The following SBF2 variants were observed in gnomAD, a reference collection of about 807,000 sequenced individuals.
The protein encoded by SBF2 is SET binding factor 2, also known as myotubularin-related protein 13.
Under a neutral mutation model 225.2 loss-of-function variants are expected in SBF2, and 112 were observed. The ratio of observed to expected loss-of-function variants is 0.50; its 90% CI spans 0.43 to 0.58. SBF2 has a LOEUF of 0.58. SBF2 is among the 20% of genes least tolerant of loss of function. The pLI is 0.00. For missense variants in SBF2, 1,996 were observed against 2,206.2 expected, an observed-to-expected ratio of 0.90 and a Z score of 1.91; for synonymous variants, 763 against 773.3, an observed-to-expected ratio of 0.99 and a Z score of 0.22.
chr11:10,128,126 T>C (rs1192326189), intron 2 of SBF2, among the ~76,000 whole-genome samples: 2 of 152,210 alleles, frequency 1.3e-5, no homozygotes, highest in Non-Finnish European at 2.9e-5. Flanking sequence ...GAATTATAAA[T>C]GAAACTCGAT....
chr11:10,284,949 T>C (rs1361287876), intron 1 of SBF2, among the ~76,000 whole-genome samples: 1 of 151,062 alleles, frequency 6.6e-6, no homozygotes, highest in Non-Finnish European at 1.5e-5. Flanking sequence ...AATTATAAAA[T>C]ATAAATATTT....
chr11:10,293,930 T>TCGACGCCCGGCCCCGACGCCCGG, intron 1 of SBF2, 85 bp downstream of exon 1: 1 of 1,037,332 alleles, frequency 9.6e-7, no homozygotes, highest in Non-Finnish European at 1.2e-6. Flanking sequence ...CCGACGCCCG[T>TCGACGCCCGGCCCCGACGCCCGG]CCCCGACGCC....
At chr11:10,260,741 C>T (rs1485017532) in intron 1 of SBF2, among the ~76,000 whole-genome samples, 2 of 149,086 alleles carry the variant, frequency 1.3e-5, no homozygotes, top group South Asian at 2.1e-4. Flanking sequence ...ATTAGATGGG[C>T]GAGGTGGTGT....
chr11:9,828,388 G>A, intron 28 of SBF2: 5 of 985,418 alleles, frequency 5.1e-6, no homozygotes, highest in Non-Finnish European at 6.0e-6. Flanking sequence ...TTATTAATCA[G>A]AGATAACACA....
At chr11:9,986,020 C>T (rs1302423094) in intron 13 of SBF2, among the ~76,000 whole-genome samples, 4 of 152,100 alleles carry the variant, frequency 2.6e-5, no homozygotes, top group Non-Finnish European at 5.9e-5. Flanking sequence ...CCAAGATAGA[C>T]CATATCATAG....
chr11:10,112,614 AAT>A (rs1952930704), intron 2 of SBF2, among the ~76,000 whole-genome samples: 2 of 152,238 alleles, frequency 1.3e-5, no homozygotes, highest in South Asian at 4.1e-4. Context: ...TGCAACCTTT[AAT>A]AAGTCAGTTA....
chr11:9,845,563 AC>A lies in SBF2; in HGVS notation c.3110+1del. Reference sequence around the variant, plus strand: ...AATTAACAGACTTGTCTTTCTTCTTACCGAAAAGAAGTGTTCTTTTCCTTCT... The same window carrying A: ...AATTAACAGACTTGTCTTTCTTCTTACGAAAAGAAGTGTTCTTTTCCTTCT... On this transcript the variant is annotated splice_donor_variant, in intron 24 of 39. Coordinates refer to ENST00000256190, the MANE Select transcript of SBF2 (RefSeq NM_030962.4). LOFTEE classifies it high-confidence loss of function. The A allele has an allele frequency of 6.2e-7, 1 of 1,613,012 alleles. No individual in the cohort carries two copies. Among genetic ancestry groups the A allele is most frequent in the East Asian group, 2.2e-5 (1 of 44,848 alleles).
chr11:9,815,940 T>A (rs968593780), intron 29 of SBF2, among the ~76,000 whole-genome samples: 1 of 152,174 alleles, frequency 6.6e-6, no homozygotes, highest in African/African-American at 2.4e-5. Context: ...GATGACTCAG[T>A]TACTGGCATC....
chr11:9,873,559 T>A (rs996110714), intron 17 of SBF2, among the ~76,000 whole-genome samples: 1 of 152,152 alleles, frequency 6.6e-6, no homozygotes, highest in African/African-American at 2.4e-5. Context: ...GAAACCCACA[T>A]AGGCAGACAT....
chr11:9,959,642 C>T, intron 16 of SBF2: 1 of 753,336 alleles, frequency 1.3e-6, no homozygotes, highest in Non-Finnish European at 2.5e-6. Flanking sequence ...GTAACTCTTC[C>T]ACACGCTTGG....
chr11:9,920,130 G>A (rs544444561), intron 16 of SBF2, among the ~76,000 whole-genome samples: 1 of 151,878 alleles, frequency 6.6e-6, no homozygotes, highest in East Asian at 1.9e-4. Flanking sequence ...GGTATACTGG[G>A]AGAGTACAGC....
rs148794389 is a variant in SBF2 at position 9,813,285 on chromosome 11, T to C, written c.3979-577A>G. ...GTAGAGATAAATATTGAGAAAGAAA[T>C]AGAAATCACTTTCTTACTGCCCCAA... On this transcript the variant is annotated intron_variant, in intron 29 of 39. Coordinates refer to ENST00000256190, the MANE Select transcript of SBF2 (RefSeq NM_030962.4). 8.5e-4 allele frequency among the ~76,000 whole-genome samples: 129 copies of C among 152,272 alleles called. 1 individual carries two copies. The East Asian group carries it at 0.018, about 21-fold the overall frequency.
At chr11:9,938,209 A>T (rs1590534946) in intron 16 of SBF2, among the ~76,000 whole-genome samples, 1 of 151,984 alleles carries the variant, frequency 6.6e-6, no homozygotes, top group Non-Finnish European at 1.5e-5. Context: ...GAGAATGGTG[A>T]GAACCCGGCA....
Position 9,895,923 on chromosome 11 carries a change from T to C in SBF2, c.1929+20A>G, listed in dbSNP as rs780251576. On this transcript the variant is annotated intron_variant, in intron 17 of 39. Transcript: ENST00000256190. Reference sequence around the variant, plus strand: ...TTATGTAAATCATAACAAGCTTATATATGGACCAATGAAACTTACCCTATA... The same window carrying C: ...TTATGTAAATCATAACAAGCTTATACATGGACCAATGAAACTTACCCTATA... 22 of 1,552,818 alleles carry C rather than the reference T, an allele frequency of 1.4e-5. No individual in the cohort carries two copies. In the East Asian group the frequency reaches 4.5e-4, roughly 32 times the overall value.
chr11:10,174,984 C>T (rs1258659932), intron 2 of SBF2, among the ~76,000 whole-genome samples: 2 of 151,966 alleles, frequency 1.3e-5, no homozygotes, highest in African/African-American at 2.4e-5. Context: ...CACCACCAGG[C>T]CTGCCCTAAA....
At position 9,886,699 on chromosome 11, in the gene SBF2, G is replaced by GT. The variant is rs61240594; in HGVS notation, c.1929+9243dup. Among the ~76,000 whole-genome samples, 374 of 133,750 alleles carry GT rather than the reference G, an allele frequency of 2.8e-3. 10 individuals carry two copies. The highest frequency in any genetic ancestry group is 9.3e-3 in the African/African-American group (334 of 35,966). The allele number at this position is 133,750 out of a possible 152,430, so 87.7% of individuals were successfully genotyped here. On this transcript the variant is annotated intron_variant, in intron 17 of 39. Coordinates refer to ENST00000256190, the MANE Select transcript of SBF2 (RefSeq NM_030962.4). ...ACAATTCCCAGTAAGTGATTCATGTGTTTTTTTTTTGCCTATAATATTTAT... is the reference window on the plus strand; with the variant it reads ...ACAATTCCCAGTAAGTGATTCATGTGTTTTTTTTTTTGCCTATAATATTTAT...
chr11:10,251,305 T>A (rs1482519090), intron 1 of SBF2, among the ~76,000 whole-genome samples: 7 of 152,192 alleles, frequency 4.6e-5, no homozygotes, highest in Admixed American at 4.6e-4. Flanking sequence ...CCTTTTTCCA[T>A]GATTTAGAAT....
chr11:9,933,105 C>A lies in SBF2; in HGVS notation c.1860+28852G>T, dbSNP rs183405511. Reference sequence around the variant, plus strand: ...AAACAGATCAATTCAACAAGAAGAGCTAACTATCCTAAATATAGATGCACC... The same window carrying A: ...AAACAGATCAATTCAACAAGAAGAGATAACTATCCTAAATATAGATGCACC... On this transcript the variant is annotated intron_variant, in intron 16 of 39. Transcript: ENST00000256190. Among the ~76,000 whole-genome samples the A allele has an allele frequency of 3.8e-3, 582 of 151,994 alleles. 3 individuals are homozygous for A. Among genetic ancestry groups the A allele is most frequent in the South Asian group, 5.2e-3 (25 of 4,818 alleles).
rs558631132 is a variant in SBF2 at position 10,249,695 on chromosome 11, G to C, written c.55+44320C>G. Among the ~76,000 whole-genome samples, 16 of 150,270 alleles carry C rather than the reference G, an allele frequency of 1.1e-4. No individual in the cohort carries two copies. In the South Asian group the frequency reaches 2.8e-3, roughly 26 times the overall value. ...ATAGTCTCTTCTGACTTCTAACTTT[G>C]GAATGCTATGGGGGAGTCCATAGCA... On this transcript the variant is annotated intron_variant, in intron 1 of 39. Transcript: ENST00000256190.
Sources: allele counts gnomAD v4.1 joint callset (sites outside exome capture counted in the v4.1 genomes callset), GRCh38; gene constraint gnomAD v4.1.1; transcripts MANE v1.5; gene names NCBI Gene and HGNC (gene_info 2026-07-23, HGNC 2026-07-21).